The following ARHGAP42 variants were observed in gnomAD, a reference collection of about 807,000 sequenced individuals.
The protein encoded by ARHGAP42 is Rho GTPase activating protein 42.
Under a neutral mutation model 125.0 loss-of-function variants are expected in ARHGAP42, and 63 were observed. The observed-to-expected ratio is 0.50, with a 90% CI of 0.41 to 0.62. ARHGAP42 has a LOEUF of 0.62. ARHGAP42 is among the 20% of genes least tolerant of loss of function. The pLI is 0.00. For missense variants in ARHGAP42, 766 were observed against 1,024.2 expected (o/e 0.75, Z 3.44); for synonymous variants, 339 against 351.0 (o/e 0.97, Z 0.38).
At chr11:100,969,276 T>TAGA (rs1858177763) in intron 17 of ARHGAP42, among the ~76,000 whole-genome samples, 1 of 152,150 alleles carries the variant, frequency 6.6e-6, no homozygotes, top group Non-Finnish European at 1.5e-5. Context: ...CTTGATGCTT[T>TAGA]CAGAATTTTC....
chr11:100,873,802 CAGAT>C (rs1462020697), intron 4 of ARHGAP42, among the ~76,000 whole-genome samples: 3 of 152,154 alleles, frequency 2.0e-5, no homozygotes, highest in African/African-American at 7.2e-5. Flanking sequence ...TAAGATTAGA[CAGAT>C]AGTAACTACC....
At chr11:100,903,041 C>T (rs1167410409) in intron 4 of ARHGAP42, among the ~76,000 whole-genome samples, 1 of 150,900 alleles carries the variant, frequency 6.6e-6, no homozygotes, top group East Asian at 2.0e-4. Flanking sequence ...GTGGCCAGGT[C>T]AGCTGAGGCC....
chr11:100,893,160 T>TGTGTGTGA (rs72026489), intron 4 of ARHGAP42, among the ~76,000 whole-genome samples: 1 of 147,344 alleles, frequency 6.8e-6, no homozygotes, highest in East Asian at 2.0e-4. Flanking sequence ...CATTTAGGGG[T>TGTGTGTGA]GTGTGTGTGT....
At chr11:100,771,578 T>A (rs1163197238) in intron 2 of ARHGAP42, among the ~76,000 whole-genome samples, 1 of 152,102 alleles carries the variant, frequency 6.6e-6, no homozygotes, top group Non-Finnish European at 1.5e-5. Flanking sequence ...TTGCCCAACT[T>A]TAATGTCTGT....
At chr11:100,825,546 G>C (rs1402821150) in intron 3 of ARHGAP42, among the ~76,000 whole-genome samples, 1 of 152,168 alleles carries the variant, frequency 6.6e-6, no homozygotes, top group East Asian at 1.9e-4. Flanking sequence ...TGTACGTGAA[G>C]AATATTTGGA....
intron 3 of ARHGAP42, among the ~76,000 whole-genome samples, chr11:100,833,060 T>A (rs1185333595): frequency 6.6e-6 from 1 of 152,202 alleles, no homozygotes; most frequent in Non-Finnish European, 1.5e-5. Context: ...TTTTTCATAT[T>A]GCCACATCCC....
At chr11:100,871,575 A>G (rs1390417943) in intron 4 of ARHGAP42, among the ~76,000 whole-genome samples, 2 of 151,334 alleles carry the variant, frequency 1.3e-5, no homozygotes, top group Non-Finnish European at 2.9e-5. Flanking sequence ...AAAAGAAAAA[A>G]AGCCTGTTTC....
chr11:100,780,623 A>G (rs1405268360), intron 2 of ARHGAP42, among the ~76,000 whole-genome samples: 1 of 152,230 alleles, frequency 6.6e-6, no homozygotes, highest in East Asian at 1.9e-4. Flanking sequence ...GTTAAAGCCG[A>G]AGGCCGATGG....
chr11:100,691,865 TAA>T (rs1861197090), intron 1 of ARHGAP42, among the ~76,000 whole-genome samples: 1 of 152,218 alleles, frequency 6.6e-6, no homozygotes, highest in Admixed American at 6.5e-5. Context: ...ACAAAAGTGA[TAA>T]GTTTATGGGG....
chr11:100,985,466 T>A (rs1416228525), intron 22 of ARHGAP42, among the ~76,000 whole-genome samples: 1 of 152,204 alleles, frequency 6.6e-6, no homozygotes, highest in Non-Finnish European at 1.5e-5. Flanking sequence ...GGGAAAAAGT[T>A]TATATTCTAT....
At chr11:100,913,714 C>T (rs1378598223) in intron 5 of ARHGAP42, among the ~76,000 whole-genome samples, 161 bp downstream of exon 5, 2 of 151,794 alleles carry the variant, frequency 1.3e-5, no homozygotes, top group Non-Finnish European at 2.9e-5. Context: ...ACTTTAAACA[C>T]ATTATAACTG....
intron 19 of ARHGAP42, 54 bp downstream of exon 19, chr11:100,974,657 A>G: frequency 2.7e-6 from 4 of 1,477,332 alleles, no homozygotes; most frequent in Non-Finnish European, 2.7e-6. Context: ...GTTCAGATGT[A>G]TTTCACTGTA....
At chr11:100,971,282 G>A (rs575781793) in intron 17 of ARHGAP42, among the ~76,000 whole-genome samples, 8 of 151,948 alleles carry the variant, frequency 5.3e-5, no homozygotes, top group African/African-American at 1.7e-4. Context: ...GATCCATGGG[G>A]CTCCTTATGT....
chr11:100,740,802 T>C (rs1397544236), intron 1 of ARHGAP42, among the ~76,000 whole-genome samples: 1 of 152,088 alleles, frequency 6.6e-6, no homozygotes, highest in Admixed American at 6.5e-5. Context: ...TGGCACAGGG[T>C]TGATGAAGCT....
At chr11:100,721,749 C>G (rs1017916332) in intron 1 of ARHGAP42, among the ~76,000 whole-genome samples, 6 of 152,152 alleles carry the variant, frequency 3.9e-5, no homozygotes, top group African/African-American at 1.4e-4. Context: ...GCTGGAATTA[C>G]AGGCATGAGC....
chr11:100,948,845 G>T (rs773491813), intron 11 of ARHGAP42, among the ~76,000 whole-genome samples: 2 of 151,946 alleles, frequency 1.3e-5, no homozygotes, highest in Non-Finnish European at 1.5e-5. Flanking sequence ...AATAATGATC[G>T]CATGCCCAGT....
At chr11:100,985,229 T>C (rs1858644857) in intron 22 of ARHGAP42, among the ~76,000 whole-genome samples, 1 of 152,204 alleles carries the variant, frequency 6.6e-6, no homozygotes, top group African/African-American at 2.4e-5. Flanking sequence ...TTGTAAAGAA[T>C]ATTGTAATCA....
chr11:100,751,096 G>A (rs930122891), intron 1 of ARHGAP42, among the ~76,000 whole-genome samples: 1 of 151,476 alleles, frequency 6.6e-6, no homozygotes, highest in Non-Finnish European at 1.5e-5. Context: ...CTGCCACCAC[G>A]CCTGGCTAAT....
chr11:100,767,933 C>T (rs1244954196), intron 1 of ARHGAP42, among the ~76,000 whole-genome samples: 1 of 152,148 alleles, frequency 6.6e-6, no homozygotes, highest in African/African-American at 2.4e-5. Context: ...CAGTGGTCTA[C>T]AGAATTGTCC....
Sources: allele counts gnomAD v4.1 joint callset (sites outside exome capture counted in the v4.1 genomes callset), GRCh38; gene constraint gnomAD v4.1.1; transcripts MANE v1.5; gene names NCBI Gene and HGNC (gene_info 2026-07-23, HGNC 2026-07-21).